TMEM182: variants seen among roughly 807,000 people sequenced by gnomAD.
TMEM182 encodes transmembrane protein 182.
In TMEM182, 20 loss-of-function variants were observed where a neutral mutation model predicts 26.8. The observed-to-expected ratio is 0.75, with a 90% CI of 0.53 to 1.09. The LOEUF (loss-of-function observed/expected upper bound fraction) is 1.09, where lower values mean the gene tolerates loss of function less well. TMEM182 is among the 50% of genes least tolerant of loss of function. TMEM182 has a pLI of 0.00. For missense variants in TMEM182, 277 were observed against 275.5 expected (o/e 1.01, Z -0.04); for synonymous variants, 109 against 102.2 (o/e 1.07, Z -0.40).
At chr2:102,764,513 A>G in intron 3 of TMEM182, 86 bp downstream of exon 3, 1 of 1,108,976 alleles carries the variant, frequency 9.0e-7, no homozygotes. Context: ...TGAGCAATTA[A>G]AAAAATAATT....
At chr2:102,757,296 A>G (rs1442042182), upstream of TMEM182, 1 of 152,202 alleles carries the variant, frequency 6.6e-6, no homozygotes, top group Non-Finnish European at 1.5e-5. Flanking sequence ...GTCTTAAACA[A>G]ACATTTAACA....
rs145540833 is a variant in TMEM182, at chr2:102,795,359, G to A, written c.332-2504G>A. ...GTATCCTGGACACCTTGAATTTTAT[G>A]TTGTCAAAATTCAAAGTGTTAAATT... On this transcript the variant is annotated intron_variant, in intron 3 of 4. Transcript: ENST00000412401. 1.3e-4 allele frequency among the ~76,000 whole-genome samples: 20 copies of A among 152,208 alleles called. No individual in the cohort carries two copies. The East Asian group carries it at 3.7e-3, about 28-fold the overall frequency.
In TMEM182 at chr2:102,737,081, G is replaced by T. The variant is rs973495321; in HGVS notation, c.-83+68G>T. 4 of 453,256 alleles carry T rather than the reference G, an allele frequency of 8.8e-6. No homozygotes were observed. The Admixed American group carries it at 1.7e-4, about 19-fold the overall frequency. 28.1% of individuals were successfully genotyped at this position (453,256 alleles called of 1,614,324 possible). A position where few individuals can be genotyped will look rare whatever the true frequency, so the allele number is the denominator to read the frequency against. The stretch of plus-strand genomic sequence containing the variant: ...GTTTCCTCTGGGTACAGACCCTGCT[G>T]CCCCTATCGTTGGAGGACAGGAGGG... On this transcript the variant is annotated intron_variant, in intron 1 of 5. Coordinates refer to the TMEM182 transcript ENST00000409173.
At chr2:102,763,863 G>A (rs772742119) in intron 2 of TMEM182, among the ~76,000 whole-genome samples, 10 of 152,130 alleles carry the variant, frequency 6.6e-5, no homozygotes, top group South Asian at 2.1e-4. Context: ...TTGAATTATT[G>A]TATAACTTAT....
intron 3 of TMEM182, among the ~76,000 whole-genome samples, chr2:102,841,025 T>C (rs1034889008): frequency 3.3e-5 from 5 of 152,162 alleles, no homozygotes; most frequent in Non-Finnish European, 7.4e-5. Flanking sequence ...TTTTTCAGTG[T>C]TACTTTGTTC....
chr2:102,817,794 A>G, downstream of TMEM182: 1 of 810,734 alleles, frequency 1.2e-6, no homozygotes, highest in Non-Finnish European at 1.5e-6. Flanking sequence ...ATGTTTGGGT[A>G]GAAAGAGATA....
intron 1 of TMEM182, among the ~76,000 whole-genome samples, chr2:102,746,185 G>A (rs10208657): frequency 0.011 from 1,626 of 152,188 alleles, 35 homozygotes; most frequent in African/African-American, 0.037. Context: ...TTCTCTGATG[G>A]CTAATGATAT....
downstream of TMEM182, among the ~76,000 whole-genome samples, chr2:102,819,902 G>A (rs1263729083): frequency 6.6e-6 from 1 of 152,182 alleles, no homozygotes; most frequent in African/African-American, 2.4e-5. Flanking sequence ...AGCATATGTG[G>A]TGTTGCATAT....
intron 1 of TMEM182, among the ~76,000 whole-genome samples, chr2:102,742,042 G>T (rs1034712645): frequency 1.3e-5 from 2 of 152,198 alleles, no homozygotes; most frequent in African/African-American, 4.8e-5. Flanking sequence ...CAAAGCAAGC[G>T]TTAGAACTAG....
intron 3 of TMEM182, among the ~76,000 whole-genome samples, chr2:102,796,701 G>A (rs1681882636): frequency 6.6e-6 from 1 of 152,192 alleles, no homozygotes; most frequent in East Asian, 1.9e-4. Flanking sequence ...GGTATGGGAA[G>A]TGAAAGCCTA....
chr2:102,817,674 G>A lies in TMEM182; in HGVS notation c.*2706G>A. ...AATGGAATTATAAAGGAATATATTG[G>A]AGGAAGTGTCAGTGTTGGTAATTAT... On this transcript the variant is annotated 3_prime_UTR_variant, in exon 5 of 5. Coordinates refer to ENST00000412401, the MANE Select transcript of TMEM182 (RefSeq NM_144632.5). The A allele has an allele frequency of 1.0e-6, 1 of 983,334 alleles. No homozygotes were observed. Among genetic ancestry groups the A allele is most frequent in the Non-Finnish European group, 1.2e-6 (1 of 828,144 alleles). 60.9% of individuals were successfully genotyped at this position (983,334 alleles called of 1,614,324 possible).
intron 4 of TMEM182, 119 bp downstream of exon 4, chr2:102,798,119 A>G (rs1006561227): frequency 7.7e-7 from 1 of 1,292,924 alleles, no homozygotes; most frequent in East Asian, 2.4e-5. Flanking sequence ...ATATTTGTAT[A>G]CAATACTTCT....
rs1269877149 is a variant in TMEM182 at position 102,816,219 on chromosome 2, A to G, written c.*1251A>G. ...TTTGCATTCTGGAAGCCTCCATCGC[A>G]GGGGAGCTCGGCAGGGTATGTGAGC... On this transcript the variant is annotated 3_prime_UTR_variant, in exon 5 of 5. Transcript: ENST00000412401. The G allele has an allele frequency of 1.0e-6, 1 of 985,362 alleles. No homozygotes were observed. Among genetic ancestry groups the G allele is most frequent in the East Asian group, 1.1e-4 (1 of 8,816 alleles). The allele number at this position is 985,362 out of a possible 1,614,324, so 61.0% of individuals were successfully genotyped here. A position where few individuals can be genotyped will look rare whatever the true frequency, so the allele number is the denominator to read the frequency against.
intron 3 of TMEM182, among the ~76,000 whole-genome samples, chr2:102,769,020 A>G (rs1680572494): frequency 1.3e-5 from 2 of 152,152 alleles, no homozygotes; most frequent in Admixed American, 6.5e-5. Flanking sequence ...GGCTCTGTCA[A>G]CTGTTTCTTC....
intron 3 of TMEM182, among the ~76,000 whole-genome samples, chr2:102,765,132 T>C (rs534904941): frequency 3.3e-5 from 5 of 152,190 alleles, no homozygotes; most frequent in Non-Finnish European, 4.4e-5. Context: ...ATAGAACACA[T>C]AAATATATAT....
intron 3 of TMEM182, among the ~76,000 whole-genome samples, chr2:102,792,648 T>G (rs972079245): frequency 3.9e-5 from 6 of 152,196 alleles, no homozygotes; most frequent in Non-Finnish European, 7.3e-5. Flanking sequence ...CCAACAAATT[T>G]TGTAATATGC....
intron 3 of TMEM182, among the ~76,000 whole-genome samples, chr2:102,765,715 G>A (rs569008156): frequency 1.1e-4 from 16 of 152,168 alleles, no homozygotes; most frequent in Admixed American, 3.3e-4. Flanking sequence ...TATAAAGAGG[G>A]TATGAGGTCT....
intron 1 of TMEM182, among the ~76,000 whole-genome samples, chr2:102,746,503 A>G (rs1478124003): frequency 6.6e-6 from 1 of 152,116 alleles, no homozygotes; most frequent in African/African-American, 2.4e-5. Context: ...AACATTGCCT[A>G]ACCCATGACA....
At chr2:102,810,131 A>T (rs989750716) in intron 4 of TMEM182, among the ~76,000 whole-genome samples, 3 of 152,062 alleles carry the variant, frequency 2.0e-5, no homozygotes, top group African/African-American at 4.8e-5. Flanking sequence ...TCTCTTTTTA[A>T]AAAAAAATAC....
Sources: gnomAD v4.1 joint callset for allele counts (sites outside exome capture counted in the v4.1 genomes callset) on GRCh38, gnomAD v4.1.1 for gene constraint, MANE v1.5 for transcripts, NCBI Gene and HGNC (gene_info 2026-07-23, HGNC 2026-07-21) for gene names.